Variants in HMCN2 observed in about 807,000 individuals in gnomAD.
HMCN2 encodes hemicentin 2.
HMCN2 carries 325 observed loss-of-function variants against 377.5 expected under a neutral mutation model. The observed-to-expected ratio is 0.86, with a 90% confidence interval of 0.79 to 0.94. HMCN2 has a LOEUF of 0.94. Among genes scored for constraint, HMCN2 ranks in the 40% least tolerant of loss-of-function variants. The probability of loss-of-function intolerance (pLI) is 0.00; values close to 1 mark genes in which losing one functional copy is unlikely to be tolerated. For synonymous variants in HMCN2, 2,007 were observed against 2,046.8 expected (o/e 0.98, Z 0.53); for missense variants, 4,543 against 4,725.3 (o/e 0.96, Z 1.13).
At chr9:130,322,228 A>G (rs1200745462) in intron 19 of HMCN2, among the ~76,000 whole-genome samples, 1 of 152,190 alleles carries the variant, frequency 6.6e-6, no homozygotes, top group East Asian at 1.9e-4. Context: ...CACTATGTAT[A>G]CATAGAATAT....
Position 130,374,562 on chromosome 9 carries a change from C to A in HMCN2, c.7499C>A (p.Ala2500Asp). ...KDGRPLARGD[A>D]HHISPDGVLL... ...GGCCGGCCTCTGGCTAGGGGAGATG[C>A]TCACCACATCTCCCCAGACGGAGTC... The change falls in exon 49 of 98, where the codon GCT becomes GAT. Residue 2500 changes from alanine to aspartate, a missense_variant. Ala to Asp is a moderately radical substitution (Grantham distance 126). Around this residue, in one of 5 missense-constraint regions of HMCN2, gnomAD observed 736 missense variants for 773.2 expected, o/e 0.95. Coordinates refer to ENST00000683500, the MANE Select transcript of HMCN2 (RefSeq NM_001291815.2). 1.0e-6 allele frequency: 1 copy of A among 985,644 alleles called. No individual in the cohort carries two copies. The highest frequency in any genetic ancestry group is 1.2e-6 in the Non-Finnish European group (1 of 829,810). The allele number at this position is 985,644 out of a possible 1,614,324, so 61.1% of individuals were successfully genotyped here.
chr9:130,379,446 G>C lies in HMCN2; in HGVS notation c.8410G>C (p.Asp2804His). 2 of 985,900 alleles carry C rather than the reference G, an allele frequency of 2.0e-6. No individual in the cohort carries two copies. Among genetic ancestry groups the C allele is most frequent in the Non-Finnish European group, 2.4e-6 (2 of 829,984 alleles). 61.1% of individuals were successfully genotyped at this position (985,900 alleles called of 1,614,324 possible). A position where few individuals can be genotyped will look rare whatever the true frequency, so the allele number is the denominator to read the frequency against. The change falls in exon 54 of 98, where the codon GAT (aspartate) becomes CAT (histidine). Residue 2804 changes from aspartate to histidine, a missense_variant. Coordinates refer to ENST00000683500, the MANE Select transcript of HMCN2 (RefSeq NM_001291815.2). ...YREDQPLSAG[D>H]EVSVLQGGRV... ...AGAGGATCAGCCCCTCTCGGCCGGG[G>C]ATGAGGTGTCTGTGCTGCAAGGTGG...
intron 97 of HMCN2, chr9:130,432,850 C>T (rs1024322678): frequency 4.2e-6 from 2 of 476,348 alleles, no homozygotes; most frequent in South Asian, 5.2e-5. Context: ...CACGGACACT[C>T]ATCAAGACAC....
chr9:130,323,348 CT>C (rs1837950673), intron 19 of HMCN2, among the ~76,000 whole-genome samples: 2 of 152,190 alleles, frequency 1.3e-5, no homozygotes, highest in African/African-American at 4.8e-5. Context: ...CTAGTTACCC[CT>C]CTCTCGCTCC....
At position 130,348,750 on chromosome 9, in the gene HMCN2, T is replaced by C. The variant is rs1839532840; in HGVS notation, c.4155+75T>C. 3 of 1,282,910 alleles carry C rather than the reference T, an allele frequency of 2.3e-6. No homozygotes were observed. The African/African-American group carries it at 4.6e-5, about 20-fold the overall frequency. 79.5% of individuals were successfully genotyped at this position (1,282,910 alleles called of 1,614,324 possible). A position where few individuals can be genotyped will look rare whatever the true frequency, so the allele number is the denominator to read the frequency against. ...GACAGGTCTTCTGGATGGGCATTTC[T>C]GCGTGTGCCAAGGTGGGGCAGGGAG... On this transcript the variant is annotated intron_variant, in intron 27 of 97. Transcript: ENST00000683500.
chr9:130,282,169 A>G (rs1554925939), intron 1 of HMCN2, among the ~76,000 whole-genome samples: 1 of 152,212 alleles, frequency 6.6e-6, no homozygotes, highest in African/African-American at 2.4e-5. Context: ...ACTGTGTGAG[A>G]ACACCCGCTG....
chr9:130,289,143 T>C (rs1234093519), intron 4 of HMCN2, among the ~76,000 whole-genome samples: 6 of 152,126 alleles, frequency 3.9e-5, no homozygotes, highest in African/African-American at 7.2e-5. Context: ...CTGTCTTTTT[T>C]TCCTGGGAGA....
At position 130,365,932 on chromosome 9, in the gene HMCN2, C is replaced by T. The variant is rs1588319536; in HGVS notation, c.6562C>T (p.Pro2188Ser). The change falls in exon 43 of 98, where the codon CCT (proline) becomes TCT (serine). Residue 2188 changes from proline (P) to serine (S), a missense_variant. Around this residue, in one of 5 missense-constraint regions of HMCN2, gnomAD observed 1,032 missense variants for 1,285.1 expected, o/e 0.80. Coordinates refer to ENST00000683500, the MANE Select transcript of HMCN2 (RefSeq NM_001291815.2). ...SHTLTVREGH[P>S]TRLSCECRGV... ...CACCCTGACTGTGAGAGAGGGGCAC[C>T]CTACCAGGCTGTCCTGCGAATGCCG... 1.0e-6 allele frequency: 1 copy of T among 985,770 alleles called. No homozygotes were observed. The highest frequency in any genetic ancestry group is 1.2e-6 in the Non-Finnish European group (1 of 829,854). 61.1% of individuals were successfully genotyped at this position (985,770 alleles called of 1,614,324 possible).
chr9:130,273,413 C>T (rs1834506831), intron 1 of HMCN2, among the ~76,000 whole-genome samples: 1 of 151,888 alleles, frequency 6.6e-6, no homozygotes, highest in Admixed American at 6.6e-5. Flanking sequence ...AAATATTTCA[C>T]GTTTTAAGTG....
chr9:130,400,963 C>T lies in HMCN2; in HGVS notation c.11770+16C>T. ...TCACCATCGGGTAAGTAAGGGTAAG[C>T]CACAGAGAGAGGCAGCTGAGGGGAG... On this transcript the variant is annotated intron_variant, in intron 77 of 97. Transcript: ENST00000683500. 1.6e-6 allele frequency: 2 copies of T among 1,279,302 alleles called. No homozygotes were observed. The highest frequency in any genetic ancestry group is 2.0e-6 in the Non-Finnish European group (2 of 983,916). The allele number at this position is 1,279,302 out of a possible 1,614,324, so 79.2% of individuals were successfully genotyped here. A position where few individuals can be genotyped will look rare whatever the true frequency, so the allele number is the denominator to read the frequency against.
rs1176001823 is a variant in HMCN2, at chr9:130,362,908, G to C, written c.6150G>C (p.Arg2050=). 1.0e-6 allele frequency: 1 copy of C among 985,842 alleles called. No homozygotes were observed. The highest frequency in any genetic ancestry group is 1.2e-6 in the Non-Finnish European group (1 of 829,984). 61.1% of individuals were successfully genotyped at this position (985,842 alleles called of 1,614,324 possible). A position where few individuals can be genotyped will look rare whatever the true frequency, so the allele number is the denominator to read the frequency against. ...GGRVLTLASA[R]ASDSGRYSCV... is the part of the protein sequence containing the mutation. ...GGGTCCTCACCTTGGCTAGTGCCCG[G>C]GCCTCCGACTCTGGGAGGTACTCCT... Residue 2050 remains arginine, a synonymous_variant, in exon 40 of 98, where the codon CGG becomes CGC. Coordinates refer to ENST00000683500, the MANE Select transcript of HMCN2 (RefSeq NM_001291815.2).
At position 130,425,905 on chromosome 9, in the gene HMCN2, C is replaced by A; in HGVS notation, c.13860C>A (p.Leu4620=). The change falls in exon 90 of 98, where the codon CTC becomes CTA. Residue 4620 remains leucine (L), a synonymous_variant. Coordinates refer to ENST00000683500, the MANE Select transcript of HMCN2 (RefSeq NM_001291815.2). ...AGGCCGAGGCCCTGCGCTTCCAGCT[C>A]GCTACAGCCCTGCAGGCGGGTGAGG... The part of the protein sequence containing the change: ...DPEAEALRFQ[L]ATALQAEENE... 1 of 1,548,798 alleles carries A rather than the reference C, an allele frequency of 6.5e-7. No individual in the cohort carries two copies. The highest frequency in any genetic ancestry group is 1.2e-5 in the South Asian group (1 of 83,972).
At chr9:130,310,781 C>T (rs1837206589) in intron 15 of HMCN2, among the ~76,000 whole-genome samples, 1 of 152,166 alleles carries the variant, frequency 6.6e-6, no homozygotes, top group South Asian at 2.1e-4. Flanking sequence ...GATGAGAATT[C>T]CAGTCTCGTC....
chr9:130,422,583 C>A lies in HMCN2; in HGVS notation c.13238C>A (p.Pro4413His). Residue 4413 changes from proline (P) to histidine (H), a missense_variant, in exon 87 of 98, where the codon CCC becomes CAC. Pro to His is a moderately conservative substitution (Grantham distance 77, BLOSUM62 -2). This residue lies in a region of HMCN2 where 1,155 missense variants were observed against 1,157.7 expected (regional missense o/e 1.00). Transcript: ENST00000683500. The surrounding 1 kb of genome is among the most constrained non-coding windows in gnomAD (Gnocchi z 4.2). ...ARAFLVVRGE[P>H]QGSWGSMTGV... ...TTCTTTCCCTTCCTTACAGGGGAGC[C>A]CCAGGGGAGCTGGGGCAGCATGACT... 1 of 1,316,998 alleles carries A rather than the reference C, an allele frequency of 7.6e-7. No individual in the cohort carries two copies. The highest frequency in any genetic ancestry group is 9.7e-7 in the Non-Finnish European group (1 of 1,026,900). 81.6% of individuals were successfully genotyped at this position (1,316,998 alleles called of 1,614,324 possible).
At chr9:130,280,785 G>A (rs1472332521) in intron 1 of HMCN2, among the ~76,000 whole-genome samples, 1 of 152,080 alleles carries the variant, frequency 6.6e-6, no homozygotes, top group African/African-American at 2.4e-5. Context: ...ATACAAAAAT[G>A]AAAATTATTA....
intron 32 of HMCN2, 52 bp downstream of exon 32, chr9:130,355,096 A>G: frequency 2.5e-6 from 3 of 1,210,748 alleles, no homozygotes; most frequent in Non-Finnish European, 3.2e-6. Context: ...ACGTCTGCCC[A>G]GGCCTGCTGC....
rs1393357909 is a variant in HMCN2, at chr9:130,394,220, G to A, written c.10502-165G>A. 2.6e-5 allele frequency among the ~76,000 whole-genome samples: 4 copies of A among 152,142 alleles called. No individual in the cohort carries two copies. Among genetic ancestry groups the A allele is most frequent in the Non-Finnish European group, 5.9e-5 (4 of 68,008 alleles). On this transcript the variant is annotated intron_variant, in intron 68 of 97. Transcript: ENST00000683500. This position sits in a 1 kb window ranked among gnomAD's most constrained non-coding sequence, Gnocchi z 5.1. ...GGTGGCCGGGCTTTGATTCTCCCAG[G>A]GCTGTGCTCCTGGTTTCTTTCCACC...
chr9:130,397,477 TC>T, intron 73 of HMCN2, 50 bp from the exon 74 acceptor site: 1 of 1,283,422 alleles, frequency 7.8e-7, no homozygotes. Context: ...ACAGCCTTGC[TC>T]CAGACCCCAC....
intron 82 of HMCN2, 43 bp from the exon 83 acceptor site, chr9:130,407,528 G>A (rs1466597514): frequency 7.8e-7 from 1 of 1,285,924 alleles, no homozygotes; most frequent in Non-Finnish European, 1.0e-6. Flanking sequence ...GAAGTGTTTA[G>A]GGCAGGAGTT....
Sources: gnomAD v4.1 joint callset for allele counts (sites outside exome capture counted in the v4.1 genomes callset) on GRCh38, gnomAD v4.1.1 for gene constraint, gnomAD v4.1.1 regional missense constraint, Gnocchi (gnomAD v3.1) non-coding constraint, MANE v1.5 for transcripts, NCBI Gene and HGNC (gene_info 2026-07-23, HGNC 2026-07-21) for gene names.